Variants in ESRRG observed in about 807,000 individuals in gnomAD.
ESRRG encodes the protein estrogen-related receptor gamma.
A neutral mutation model predicts 44.0 loss-of-function variants in ESRRG; 13 were observed. That is an observed-to-expected ratio of 0.30 (90% CI 0.19 to 0.47). The LOEUF (loss-of-function observed/expected upper bound fraction) is 0.47, where lower values mean the gene tolerates loss of function less well. Ranked by LOEUF, ESRRG falls within the 20% of genes least tolerant of loss-of-function variation. The pLI, the probability that ESRRG is intolerant of heterozygous loss-of-function variation, is 1.00. For missense variants in ESRRG, 395 were observed against 580.6 expected, an observed-to-expected ratio of 0.68 and a Z score of 3.29; for synonymous variants, 215 against 214.6, an observed-to-expected ratio of 1.00 and a Z score of -0.02.
chr1:216,749,770 T>C (rs992598540), intron 2 of ESRRG, among the ~76,000 whole-genome samples: 14 of 152,136 alleles, frequency 9.2e-5, no homozygotes, highest in African/African-American at 3.1e-4. Context: ...AGGAGAAAAC[T>C]AGATATTAAT....
chr1:216,854,872 C>T (rs969668803), intron 2 of ESRRG, among the ~76,000 whole-genome samples: 1 of 152,074 alleles, frequency 6.6e-6, no homozygotes, highest in African/African-American at 2.4e-5. Context: ...CAAGCACTTA[C>T]ATGTTAAGTT....
At chr1:216,595,541 C>CA (rs1257555427) in intron 3 of ESRRG, among the ~76,000 whole-genome samples, 2 of 152,114 alleles carry the variant, frequency 1.3e-5, no homozygotes, top group Non-Finnish European at 2.9e-5. Flanking sequence ...TATCAAATGT[C>CA]AAATGCATAA....
intron 2 of ESRRG, among the ~76,000 whole-genome samples, chr1:216,837,259 A>G (rs2095580263): frequency 6.6e-6 from 1 of 152,012 alleles, no homozygotes; most frequent in South Asian, 2.1e-4. Context: ...AATACAAAAA[A>G]AATTAGCCAG....
chr1:216,848,686 T>C (rs17044178), intron 2 of ESRRG, among the ~76,000 whole-genome samples: 30,324 of 152,002 alleles, frequency 0.2, 3,119 homozygotes, highest in Admixed American at 0.26. Flanking sequence ...GCCTACCAAT[T>C]TGCAGCAAAG....
intron 2 of ESRRG, among the ~76,000 whole-genome samples, chr1:216,830,418 G>T (rs1400914934): frequency 6.6e-6 from 1 of 152,186 alleles, no homozygotes; most frequent in African/African-American, 2.4e-5. Flanking sequence ...TGTAGTTAGT[G>T]TGCACAACGC....
intron 3 of ESRRG, among the ~76,000 whole-genome samples, chr1:216,603,694 C>T (rs966281993): frequency 1.3e-5 from 2 of 152,000 alleles, no homozygotes; most frequent in Non-Finnish European, 2.9e-5. Flanking sequence ...TTTGGGAGGC[C>T]GAGGCAGGTG....
intron 2 of ESRRG, among the ~76,000 whole-genome samples, chr1:216,738,505 C>T (rs1034341051): frequency 1.3e-5 from 2 of 152,174 alleles, no homozygotes; most frequent in Non-Finnish European, 2.9e-5. Context: ...TCTGTGGTAT[C>T]ATAAGGCAAT....
At chr1:216,763,961 G>A (rs1353161768) in intron 2 of ESRRG, among the ~76,000 whole-genome samples, 2 of 151,986 alleles carry the variant, frequency 1.3e-5, no homozygotes, top group African/African-American at 2.4e-5. Flanking sequence ...CTAATCTGGG[G>A]AAAAAAAGTA....
At chr1:217,058,019 G>A (rs963235635) in intron 1 of ESRRG, among the ~76,000 whole-genome samples, 5 of 152,042 alleles carry the variant, frequency 3.3e-5, no homozygotes, top group African/African-American at 1.2e-4. Context: ...AAAAGCGAGG[G>A]AAGAGAAGAA....
At chr1:216,912,568 C>A (rs72741425) in intron 2 of ESRRG, among the ~76,000 whole-genome samples, 2,245 of 152,184 alleles carry the variant, frequency 0.015, 31 homozygotes, top group Non-Finnish European at 0.025. Flanking sequence ...CCTCCCCAAA[C>A]ACATTTGTGA....
At chr1:217,100,571 G>A (rs2092495955) in intron 1 of ESRRG, among the ~76,000 whole-genome samples, 1 of 152,174 alleles carries the variant, frequency 6.6e-6, no homozygotes, top group Non-Finnish European at 1.5e-5. Context: ...ACCTGTCACT[G>A]GGTAATTTGT....
chr1:216,533,713 A>C (rs1417915327), intron 5 of ESRRG, among the ~76,000 whole-genome samples: 4 of 152,146 alleles, frequency 2.6e-5, no homozygotes. Context: ...TGTTCCTCTT[A>C]ACAAAAAATA....
chr1:216,524,842 G>A (rs1368277500), intron 5 of ESRRG, among the ~76,000 whole-genome samples: 1 of 152,148 alleles, frequency 6.6e-6, no homozygotes, highest in Non-Finnish European at 1.5e-5. Flanking sequence ...ATAAAACTGA[G>A]CAAATGATCT....
chr1:216,903,070 T>C (rs2059269766), intron 2 of ESRRG, among the ~76,000 whole-genome samples: 1 of 152,198 alleles, frequency 6.6e-6, no homozygotes, highest in African/African-American at 2.4e-5. Flanking sequence ...TATACATGTG[T>C]TTGTTTTCAT....
intron 1 of ESRRG, among the ~76,000 whole-genome samples, chr1:216,682,709 AGTGTGTGTGTGTGTGT>A (rs72420221): frequency 6.9e-6 from 1 of 144,662 alleles, no homozygotes; most frequent in Admixed American, 6.9e-5. Flanking sequence ...AATACTCTAT[AGTGTGTGTGTGTGTGT>A]GTGTGTGTGT....
intron 3 of ESRRG, among the ~76,000 whole-genome samples, chr1:216,649,069 A>G (rs1042823881): frequency 6.6e-6 from 1 of 152,136 alleles, no homozygotes; most frequent in African/African-American, 2.4e-5. Flanking sequence ...TACCACCATC[A>G]TCCTAACTGA....
chr1:216,854,130 G>A (rs1171591722), intron 2 of ESRRG, among the ~76,000 whole-genome samples: 4 of 151,880 alleles, frequency 2.6e-5, no homozygotes, highest in East Asian at 3.9e-4. Context: ...AGGCTGAAGC[G>A]GGTGGATCAT....
intron 2 of ESRRG, among the ~76,000 whole-genome samples, chr1:216,892,908 G>T (rs979287308): frequency 5.9e-5 from 9 of 152,006 alleles, no homozygotes; most frequent in Admixed American, 5.9e-4. Context: ...GGCCAACCTT[G>T]CCTTGTTTTA....
chr1:216,942,255 T>C (rs1384360845), intron 1 of ESRRG, among the ~76,000 whole-genome samples: 1 of 152,212 alleles, frequency 6.6e-6, no homozygotes, highest in Non-Finnish European at 1.5e-5. Context: ...TCATTCTTTT[T>C]TATGGCTGCA....
Sources: gnomAD v4.1 joint callset for allele counts (sites outside exome capture counted in the v4.1 genomes callset) on GRCh38, gnomAD v4.1.1 for gene constraint, MANE v1.5 for transcripts, NCBI Gene and HGNC (gene_info 2026-07-23, HGNC 2026-07-21) for gene names.